Variants in CSF1 observed in about 807,000 individuals in gnomAD.
CSF1 encodes the protein colony stimulating factor 1, also known as macrophage colony-stimulating factor 1.
Under a neutral mutation model 48.9 loss-of-function variants are expected in CSF1, and 9 were observed. The observed-to-expected ratio is 0.18, with a 90% CI of 0.11 to 0.32. The LOEUF is 0.32. Among genes scored for constraint, CSF1 ranks in the 10% least tolerant of loss-of-function variants. The pLI is 1.00. For synonymous variants in CSF1, 305 were observed against 284.1 expected (o/e 1.07, Z -0.74); for missense variants, 672 against 697.9 (o/e 0.96, Z 0.42).
Position 109,923,585 on chromosome 1 carries a change from G to C in CSF1, c.964G>C (p.Glu322Gln). The C allele has an allele frequency of 6.2e-7, 1 of 1,614,182 alleles. No individual in the cohort carries two copies. Among genetic ancestry groups the C allele is most frequent in the South Asian group, 1.1e-5 (1 of 91,090 alleles). ...ASEIPVPQGTELSPSRPGGGS... is the reference protein window; with the variant it reads ...ASEIPVPQGTQLSPSRPGGGS... ...TGAGATTCCCGTACCCCAAGGGACA[G>C]AGCTTTCCCCCTCCAGGCCAGGAGG... The change falls in exon 6 of 9, where the codon GAG becomes CAG. Residue 322 changes from glutamate to glutamine, a missense_variant. This residue lies in a region of CSF1 where 591 missense variants were observed against 593.6 expected (regional missense o/e 1.00). Transcript: ENST00000329608.
At position 109,921,863 on chromosome 1, in the gene CSF1, T is replaced by C. The variant is rs1647562516; in HGVS notation, c.413T>C (p.Phe138Ser). Residue 138 changes from phenylalanine to serine, a missense_variant, in exon 5 of 9, where the codon TTC (phenylalanine) becomes TCC (serine). By Grantham distance (155) the Phe-to-Ser change is radical (BLOSUM62 -2). Transcript: ENST00000329608. ...TCCTTCCAGGCCTGCGTCCGAACTT[T>C]CTATGAGACACCTCTCCAGTTGCTG... is the stretch of plus-strand genomic sequence containing the variant. ...EEHDKACVRT[F>S]YETPLQLLEK... 1 of 1,599,366 alleles carries C rather than the reference T, an allele frequency of 6.3e-7. No individual in the cohort carries two copies. The highest frequency in any genetic ancestry group is 1.3e-5 in the African/African-American group (1 of 74,626).
chr1:109,917,094 G>T (rs570049444), intron 3 of CSF1, among the ~76,000 whole-genome samples, 199 bp from the exon 4 acceptor site: 63 of 152,112 alleles, frequency 4.1e-4, no homozygotes, highest in African/African-American at 1.4e-3. Context: ...CTTCACTCTA[G>T]CCCAGTCTCC....
chr1:109,921,717 G>T, intron 4 of CSF1, 130 bp from the exon 5 acceptor site: 1 of 1,182,382 alleles, frequency 8.5e-7, no homozygotes, highest in Non-Finnish European at 1.2e-6. Flanking sequence ...CAAACCAGGG[G>T]AAAGGGGAGC....
Position 109,915,581 on chromosome 1 carries a change from G to C in CSF1, c.163-53G>C, listed in dbSNP as rs577322836. 8.0e-4 allele frequency: 1,194 copies of C among 1,486,034 alleles called. 21 individuals carry two copies. The South Asian group carries it at 0.013, about 16-fold the overall frequency. 92.1% of individuals were successfully genotyped at this position (1,486,034 alleles called of 1,614,324 possible). A position where few individuals can be genotyped will look rare whatever the true frequency, so the allele number is the denominator to read the frequency against. ...GTCCCCGTTTTGAAGAAGGCTGAAGGCTGAGTTGAGCTGTAGGTTACCCTG... is the reference window on the plus strand; with the variant it reads ...GTCCCCGTTTTGAAGAAGGCTGAAGCCTGAGTTGAGCTGTAGGTTACCCTG... On this transcript the variant is annotated intron_variant, in intron 2 of 8. Transcript: ENST00000329608.
chr1:109,922,357 T>G (rs1348778431), intron 5 of CSF1: 2 of 188,184 alleles, frequency 1.1e-5, no homozygotes, highest in Non-Finnish European at 2.2e-5. Flanking sequence ...GTGTGGGGGG[T>G]TCTGTGGAGA....
At position 109,923,307 on chromosome 1, in the gene CSF1, C is replaced by T. The variant is rs758272243; in HGVS notation, c.686C>T (p.Thr229Ile). 6.2e-7 allele frequency: 1 copy of T among 1,612,832 alleles called. No homozygotes were observed. Among genetic ancestry groups the T allele is most frequent in the African/African-American group, 1.3e-5 (1 of 75,026 alleles). Residue 229 changes from threonine (T) to isoleucine (I), a missense_variant, in exon 6 of 9, where the codon ACT becomes ATT. Around this residue, in one of 3 missense-constraint regions of CSF1, gnomAD observed 591 missense variants for 593.6 expected, o/e 1.00. Coordinates refer to ENST00000329608, the MANE Select transcript of CSF1 (RefSeq NM_000757.6). ...TTGACCTGGGAGGACTCTGAGGGAA[C>T]TGAGGGCAGCTCCCTCTTGCCTGGT... Reference protein sequence around the residue: ...AGLTWEDSEGTEGSSLLPGEQ... With the variant: ...AGLTWEDSEGIEGSSLLPGEQ...
Position 109,911,121 on chromosome 1 carries a change from G to A in CSF1, c.39+59G>A, listed in dbSNP as rs1037365578. On this transcript the variant is annotated intron_variant, in intron 1 of 8. Coordinates refer to ENST00000329608, the MANE Select transcript of CSF1 (RefSeq NM_000757.6). Reference sequence around the variant, plus strand: ...GGCTGGGGCGGGGGCTCGGCGGCCAGGCGGCCGGGAGCGGCCCCTCGGAGC... The same window carrying A: ...GGCTGGGGCGGGGGCTCGGCGGCCAAGCGGCCGGGAGCGGCCCCTCGGAGC... The A allele has an allele frequency of 5.1e-6, 5 of 975,804 alleles. No individual in the cohort carries two copies. In the African/African-American group the frequency reaches 8.8e-5, roughly 17 times the overall value. 60.4% of individuals were successfully genotyped at this position (975,804 alleles called of 1,614,324 possible). A position where few individuals can be genotyped will look rare whatever the true frequency, so the allele number is the denominator to read the frequency against.
intron 6 of CSF1, 31 bp downstream of exon 6, chr1:109,924,221 C>G: frequency 6.4e-7 from 1 of 1,563,736 alleles, no homozygotes; most frequent in Non-Finnish European, 8.6e-7. Flanking sequence ...AAGAAGAGCA[C>G]GTCCCTTAGG....
At position 109,923,279 on chromosome 1, in the gene CSF1, G is replaced by A. The variant is rs1256783423; in HGVS notation, c.658G>A (p.Gly220Ser). The A allele has an allele frequency of 6.2e-7, 1 of 1,612,240 alleles. No homozygotes were observed. The highest frequency in any genetic ancestry group is 1.1e-5 in the South Asian group (1 of 90,760). Residue 220 changes from glycine (G) to serine (S), a missense_variant, in exon 6 of 9, where the codon GGC becomes AGC. This residue lies in a region of CSF1 where 591 missense variants were observed against 593.6 expected (regional missense o/e 1.00). Transcript: ENST00000329608. ...PLAPSMAPVA[G>S]LTWEDSEGTE... Reference sequence around the variant, plus strand: ...CGCCCCCTCCATGGCCCCTGTGGCTGGCTTGACCTGGGAGGACTCTGAGGG... The same window carrying A: ...CGCCCCCTCCATGGCCCCTGTGGCTAGCTTGACCTGGGAGGACTCTGAGGG...
In CSF1 at chr1:109,924,308, T is replaced by A. The variant is rs1647736283; in HGVS notation, c.1569+118T>A. On this transcript the variant is annotated intron_variant, in intron 6 of 8. Transcript: ENST00000329608. ...CCTGAGTTCTTCAGACACAGAGAGA[T>A]AGGGGCTGGCTCAGCACAGAGGATG... is the stretch of plus-strand genomic sequence containing the variant. 4.7e-6 allele frequency: 4 copies of A among 843,528 alleles called. No homozygotes were observed. The Admixed American group carries it at 1.2e-4, about 24-fold the overall frequency. 52.3% of individuals were successfully genotyped at this position (843,528 alleles called of 1,614,324 possible).
intron 1 of CSF1, among the ~76,000 whole-genome samples, chr1:109,912,429 C>T (rs957089867): frequency 1.3e-5 from 2 of 152,100 alleles, no homozygotes; most frequent in African/African-American, 4.8e-5. Context: ...GAGGAAGAGG[C>T]AGTCAGAGGA....
At chr1:109,925,329 CT>C in intron 8 of CSF1, 127 bp downstream of exon 8, 1 of 776,280 alleles carries the variant, frequency 1.3e-6, no homozygotes. Flanking sequence ...CTCCAGTTCC[CT>C]TTCCATACAT....
Position 109,929,515 on chromosome 1 carries a change from C to G in CSF1, c.*677C>G, listed in dbSNP as rs1647981008. 1 of 152,992 alleles carries G rather than the reference C, an allele frequency of 6.5e-6. No homozygotes were observed. The highest frequency in any genetic ancestry group is 1.5e-5 in the Non-Finnish European group (1 of 68,382). The allele number at this position is 152,992 out of a possible 1,614,324, so 9.5% of individuals were successfully genotyped here. The stretch of plus-strand genomic sequence containing the variant: ...GGGAGGCCAGCCCTGCCCTCAGGAC[C>G]TGCCTGACCTGCCAGTGATGCCAAG... On this transcript the variant is annotated 3_prime_UTR_variant, in exon 9 of 9. Coordinates refer to ENST00000329608, the MANE Select transcript of CSF1 (RefSeq NM_000757.6).
At position 109,924,027 on chromosome 1, in the gene CSF1, C is replaced by G. The variant is rs1308932906; in HGVS notation, c.1406C>G (p.Pro469Arg). 6.2e-7 allele frequency: 1 copy of G among 1,614,222 alleles called. No homozygotes were observed. The highest frequency in any genetic ancestry group is 1.7e-5 in the Admixed American group (1 of 60,034). Reference sequence around the variant, plus strand: ...AGTGAAGGGGCAGCCAGGCCCCTGCCCCGTTTTAACTCCGTTCCTTTGACT... The same window carrying G: ...AGTGAAGGGGCAGCCAGGCCCCTGCGCCGTTTTAACTCCGTTCCTTTGACT... ...PASEGAARPL[P>R]RFNSVPLTDT... Residue 469 changes from proline to arginine, a missense_variant, in exon 6 of 9, where the codon CCC (proline) becomes CGC (arginine). Physicochemically the swap from Pro to Arg is moderately radical, Grantham distance 103 (BLOSUM62 -2). This residue lies in a region of CSF1 where 591 missense variants were observed against 593.6 expected (regional missense o/e 1.00). Transcript: ENST00000329608.
At chr1:109,917,509 G>C (rs774819465) in intron 4 of CSF1, 46 bp downstream of exon 4, 4 of 1,590,602 alleles carry the variant, frequency 2.5e-6, no homozygotes, top group Non-Finnish European at 3.4e-6. Flanking sequence ...GCAGAGGGTG[G>C]CTGTGGAGGC....
chr1:109,928,524 G>A (rs905127548), intron 8 of CSF1, among the ~76,000 whole-genome samples: 14 of 152,174 alleles, frequency 9.2e-5, no homozygotes, highest in African/African-American at 1.9e-4. Flanking sequence ...TGCCCGCTTC[G>A]CTCCTTGTCA....
rs1647981359 is a variant in CSF1 at position 109,929,527 on chromosome 1, C to G, written c.*689C>G. ...CTGCCCTCAGGACCTGCCTGACCTG[C>G]CAGTGATGCCAAGAGGGGGATCAAG... On this transcript the variant is annotated 3_prime_UTR_variant, in exon 9 of 9. Coordinates refer to ENST00000329608, the MANE Select transcript of CSF1 (RefSeq NM_000757.6). 1 of 152,938 alleles carries G rather than the reference C, an allele frequency of 6.5e-6. No homozygotes were observed. Among genetic ancestry groups the G allele is most frequent in the Non-Finnish European group, 1.5e-5 (1 of 68,328 alleles). The allele number at this position is 152,938 out of a possible 1,614,324, so 9.5% of individuals were successfully genotyped here.
At chr1:109,914,482 AG>A in intron 2 of CSF1, 101 bp downstream of exon 2, 5 of 1,403,424 alleles carry the variant, frequency 3.6e-6, no homozygotes, top group Non-Finnish European at 4.7e-6. Flanking sequence ...GCAGGAAAAT[AG>A]GGCAGTGCGG....
At chr1:109,921,665 G>A (rs1647549535) in intron 4 of CSF1, among the ~76,000 whole-genome samples, 182 bp from the exon 5 acceptor site, 1 of 152,184 alleles carries the variant, frequency 6.6e-6, no homozygotes, top group Non-Finnish European at 1.5e-5. Context: ...ATGGGTCTGT[G>A]AATAAATGAC....
Sources: allele counts gnomAD v4.1 joint callset (sites outside exome capture counted in the v4.1 genomes callset), GRCh38; gene constraint gnomAD v4.1.1; regional missense constraint gnomAD v4.1.1; transcripts MANE v1.5; gene names NCBI Gene and HGNC (gene_info 2026-07-23, HGNC 2026-07-21).